The following DNAH9 variants were observed in gnomAD, a reference collection of about 807,000 sequenced individuals.
DNAH9 encodes DNAH9 variant protein.
A neutral mutation model predicts 471.6 loss-of-function variants in DNAH9; 345 were observed. The ratio of observed to expected loss-of-function variants is 0.73; its 90% CI spans 0.67 to 0.80. The LOEUF (loss-of-function observed/expected upper bound fraction) is 0.80. Among genes scored for constraint, DNAH9 ranks in the 30% least tolerant of loss-of-function variants. The pLI is 0.00. For missense variants in DNAH9, 5,407 were observed against 5,609.2 expected (o/e 0.96, Z 1.15); for synonymous variants, 2,093 against 2,123.6 (o/e 0.99, Z 0.40).
chr17:11,770,446 G>T (rs986200722), intron 38 of DNAH9, among the ~76,000 whole-genome samples: 13 of 152,042 alleles, frequency 8.6e-5, no homozygotes, highest in South Asian at 2.1e-4. Flanking sequence ...AATGCTGATG[G>T]GGGGGAGCAC....
chr17:11,876,066 C>T (rs926848800), intron 53 of DNAH9, among the ~76,000 whole-genome samples: 2 of 151,954 alleles, frequency 1.3e-5, no homozygotes, highest in Non-Finnish European at 2.9e-5. Context: ...ATTTCACGTC[C>T]GAGGAAGCAG....
At chr17:11,608,107 T>C in intron 1 of DNAH9, 22 bp from the exon 2 acceptor site, 1 of 1,543,426 alleles carries the variant, frequency 6.5e-7, no homozygotes, top group Non-Finnish European at 8.8e-7. Context: ...CTGCCTTTCT[T>C]TCCTGTGCAC....
intron 1 of DNAH9, among the ~76,000 whole-genome samples, chr17:11,602,520 G>T (rs1567655869): frequency 6.6e-6 from 1 of 152,100 alleles, no homozygotes; most frequent in Non-Finnish European, 1.5e-5. Context: ...ACATCAAAAA[G>T]CCTCCAGTTT....
At chr17:11,672,709 C>T (rs1412274932) in intron 17 of DNAH9, among the ~76,000 whole-genome samples, 2 of 152,126 alleles carry the variant, frequency 1.3e-5, no homozygotes. Flanking sequence ...CACACTGGCT[C>T]TTACATCGTT....
intron 63 of DNAH9, among the ~76,000 whole-genome samples, chr17:11,930,348 C>A (rs1309333480): frequency 3.9e-5 from 6 of 152,138 alleles, no homozygotes; most frequent in African/African-American, 1.4e-4. Context: ...TGCAAGTTTA[C>A]TGTTACCTAA....
rs115278658 is a variant in DNAH9, at chr17:11,738,527, C to A, written c.5815-353C>A. On this transcript the variant is annotated intron_variant, in intron 28 of 68. Transcript: ENST00000262442. The stretch of plus-strand genomic sequence containing the variant: ...TCCCGAGTAACTGGGATTACAGATG[C>A]ACACCACCATACCCGGCTGATTTTT... Among the ~76,000 whole-genome samples, 182 of 152,304 alleles carry A rather than the reference C, an allele frequency of 1.2e-3. 1 individual carries two copies. Among genetic ancestry groups the A allele is most frequent in the African/African-American group, 4.1e-3 (171 of 41,562 alleles).
rs184831454 is a variant in DNAH9, at chr17:11,842,627, G to A, written c.9507+7729G>A. Among the ~76,000 whole-genome samples the A allele has an allele frequency of 5.2e-3, 795 of 152,312 alleles. 4 individuals carry two copies. Among genetic ancestry groups the A allele is most frequent in the African/African-American group, 0.018 (761 of 41,562 alleles). On this transcript the variant is annotated intron_variant, in intron 49 of 68. Transcript: ENST00000262442. ...TGGAAAACAACTGGTGTAAGTCCAA[G>A]AGTCCAAAGCCTGAAGAACTTGGCG...
At chr17:11,769,061 C>T (rs1968090437) in intron 37 of DNAH9, 61 bp from the exon 38 acceptor site, 5 of 1,567,364 alleles carry the variant, frequency 3.2e-6, no homozygotes, top group African/African-American at 1.3e-5. Context: ...CGGAACGCCG[C>T]TGGTGCATCT....
In DNAH9 at chr17:11,632,570, A is replaced by T; in HGVS notation, c.1519-17A>T. The T allele has an allele frequency of 7.9e-7, 1 of 1,265,246 alleles. No individual in the cohort carries two copies. The highest frequency in any genetic ancestry group is 2.3e-5 in the East Asian group (1 of 43,274). The allele number at this position is 1,265,246 out of a possible 1,614,324, so 78.4% of individuals were successfully genotyped here. On this transcript the variant is annotated splice_polypyrimidine_tract_variant and intron_variant, in intron 7 of 68. Coordinates refer to ENST00000262442, the MANE Select transcript of DNAH9 (RefSeq NM_001372.4). The stretch of plus-strand genomic sequence containing the variant: ...AGAAAATTACGTTTTCCTTATATAT[A>T]TATGGTGTCTCTTCAGGACTTTGAA...
intron 15 of DNAH9, among the ~76,000 whole-genome samples, chr17:11,666,825 G>C (rs1053759281): frequency 3.3e-5 from 5 of 152,226 alleles, no homozygotes; most frequent in Admixed American, 2.0e-4. Flanking sequence ...ACCTTGCACT[G>C]TTAACCTGGA....
At chr17:11,701,281 T>G (rs7214186) in intron 24 of DNAH9, 34 bp downstream of exon 24, 3 of 1,610,662 alleles carry the variant, frequency 1.9e-6, no homozygotes, top group Non-Finnish European at 2.5e-6. Flanking sequence ...TCCTCCATGG[T>G]TGGGGCTGTC....
rs138027596 is a variant in DNAH9 at position 11,611,578 on chromosome 17, C to T, written c.774-72C>T. The T allele has an allele frequency of 4.5e-3, 6,590 of 1,463,784 alleles. 19 individuals are homozygous for T. Among genetic ancestry groups the T allele is most frequent in the Non-Finnish European group, 5.5e-3 (5,790 of 1,057,320 alleles). The allele number at this position is 1,463,784 out of a possible 1,614,324, so 90.7% of individuals were successfully genotyped here. ...GCAGGGCTCCTCTCTTTCTGTGTGA[C>T]GATGGGTCATCACAGTGTGACTTGC... On this transcript the variant is annotated intron_variant, in intron 3 of 68. Coordinates refer to ENST00000262442, the MANE Select transcript of DNAH9 (RefSeq NM_001372.4).
At chr17:11,800,962 T>C (rs1012482817) in intron 43 of DNAH9, among the ~76,000 whole-genome samples, 3 of 152,174 alleles carry the variant, frequency 2.0e-5, no homozygotes, top group Admixed American at 1.3e-4. Flanking sequence ...AGGGTGATCC[T>C]AATTATAACT....
Position 11,886,773 on chromosome 17 carries a change from C to T in DNAH9, c.10972-52C>T. ...CACACAGAGGGGCCAAGTTGATTCT[C>T]AGGAAGCCCAGGTTGGTTGGAACAG... On this transcript the variant is annotated intron_variant, in intron 56 of 68. Transcript: ENST00000262442. The T allele has an allele frequency of 5.1e-6, 8 of 1,553,720 alleles. No individual in the cohort carries two copies. In the South Asian group the frequency reaches 8.7e-5, roughly 17 times the overall value.
chr17:11,600,192 G>T (rs12450436), intron 1 of DNAH9, among the ~76,000 whole-genome samples: 3 of 152,084 alleles, frequency 2.0e-5, no homozygotes, highest in African/African-American at 7.2e-5. Context: ...AAGCCATCCC[G>T]CTGAAGCCTG....
intron 17 of DNAH9, among the ~76,000 whole-genome samples, chr17:11,670,551 C>T (rs1389016230): frequency 6.6e-6 from 1 of 152,128 alleles, no homozygotes; most frequent in African/African-American, 2.4e-5. Flanking sequence ...GCTGGTTTTG[C>T]TTAATGCTGC....
At chr17:11,942,129 C>A (rs1383335283) in intron 66 of DNAH9, among the ~76,000 whole-genome samples, 174 bp from the exon 67 acceptor site, 1 of 152,190 alleles carries the variant, frequency 6.6e-6, no homozygotes, top group Admixed American at 6.5e-5. Flanking sequence ...GTCAGTCAGT[C>A]CTCAGCCCTG....
At chr17:11,923,021 G>A (rs1417439653) in intron 61 of DNAH9, among the ~76,000 whole-genome samples, 1 of 151,780 alleles carries the variant, frequency 6.6e-6, no homozygotes, top group Non-Finnish European at 1.5e-5. Flanking sequence ...AGAGGGAAGA[G>A]TGAAGTGATT....
intron 6 of DNAH9, among the ~76,000 whole-genome samples, chr17:11,624,262 A>T (rs992260043): frequency 2.4e-4 from 36 of 152,366 alleles, no homozygotes; most frequent in African/African-American, 6.3e-4. Context: ...TAATCCCAAC[A>T]CTTTGGGAGG....
Sources: allele counts gnomAD v4.1 joint callset (sites outside exome capture counted in the v4.1 genomes callset), GRCh38; gene constraint gnomAD v4.1.1; transcripts MANE v1.5; gene names NCBI Gene and HGNC (gene_info 2026-07-23, HGNC 2026-07-21).